PAGE2B: variants seen among roughly 807,000 people sequenced by gnomAD.
PAGE2B encodes PAGE family member 2B.
Under a neutral mutation model 7.6 loss-of-function variants are expected in PAGE2B, and 5 were observed. The observed-to-expected ratio is 0.66, with a 90% CI of 0.34 to 1.38. The LOEUF (loss-of-function observed/expected upper bound fraction) is 1.38, where lower values mean the gene tolerates loss of function less well. Ranked by LOEUF, PAGE2B falls within the 40% of genes most tolerant of loss-of-function variation. The probability of loss-of-function intolerance (pLI) is 0.04; values close to 1 mark genes in which losing one functional copy is unlikely to be tolerated. For synonymous variants in PAGE2B, 29 were observed against 26.7 expected, an observed-to-expected ratio of 1.09 and a Z score of -0.27; for missense variants, 70 against 78.4, an observed-to-expected ratio of 0.89 and a Z score of 0.41.
chrX:55,072,326 G>A (rs1489514086), upstream of PAGE2B, among the ~76,000 whole-genome samples: 1 of 112,325 alleles, frequency 8.9e-6, no homozygotes, highest in Non-Finnish European at 1.9e-5. Flanking sequence ...CTAACAGCCA[G>A]GCCCATCTTC....
At position 55,076,466 on chromosome X, in the gene PAGE2B, A is replaced by T. The variant is rs1000027015; in HGVS notation, c.85-103A>T. The T allele has an allele frequency of 1.1e-4, 81 of 759,433 alleles. No homozygotes were observed. In the East Asian group the frequency reaches 1.1e-3, roughly 11 times the overall value. 62.6% of individuals were successfully genotyped at this position (759,433 alleles called of 1,213,427 possible). On this transcript the variant is annotated intron_variant, in intron 2 of 4. Transcript: ENST00000374971. ...TATGTATATACATATATATGTGTTTATATATGTTGGAAAAATGTCTTTAGA... is the reference window on the plus strand; with the variant it reads ...TATGTATATACATATATATGTGTTTTTATATGTTGGAAAAATGTCTTTAGA...
chrX:55,055,712 A>T, the PAGE2B span: 1 of 124,850 alleles, frequency 8.0e-6, no homozygotes. Flanking sequence ...TTGCCCTGGC[A>T]GTGTCTTCTA....
upstream of PAGE2B, among the ~76,000 whole-genome samples, chrX:55,072,412 T>G (rs751204769): frequency 8.9e-6 from 1 of 112,766 alleles, no homozygotes; most frequent in South Asian, 3.7e-4. Context: ...TGCTTCCTGC[T>G]TCTTCCTCTG....
At chrX:55,062,029 G>A in the PAGE2B span, among the ~76,000 whole-genome samples, 16 of 111,714 alleles carry the variant, frequency 1.4e-4, no homozygotes, top group East Asian at 5.6e-4. Context: ...CCAAATCTTG[G>A]ATATTGAGAA....
chrX:55,062,643 C>G, the PAGE2B span, among the ~76,000 whole-genome samples: 2 of 111,690 alleles, frequency 1.8e-5, no homozygotes, highest in African/African-American at 6.5e-5. Flanking sequence ...GTTGCCTGTG[C>G]TTGTGGGATA....
the PAGE2B span, among the ~76,000 whole-genome samples, chrX:55,039,722 G>A: frequency 9.0e-6 from 1 of 111,581 alleles, no homozygotes; most frequent in Non-Finnish European, 1.9e-5. Flanking sequence ...TTTCTCATGG[G>A]ATTTTGCAAA....
upstream of PAGE2B, among the ~76,000 whole-genome samples, chrX:55,073,089 CG>C (rs1277899447): frequency 9.0e-6 from 1 of 111,253 alleles, no homozygotes; most frequent in Non-Finnish European, 1.9e-5. Context: ...TGTGTCACAC[CG>C]GGTTCCAGGT....
At chrX:55,074,821 G>A (rs73490464), upstream of PAGE2B, among the ~76,000 whole-genome samples, 7,793 of 112,049 alleles carry the variant, frequency 0.07, 613 homozygotes, top group African/African-American at 0.23. Flanking sequence ...AAGGGTGGGC[G>A]GGGGAAAAAG....
At chrX:55,032,492 A>G in the PAGE2B span, among the ~76,000 whole-genome samples, 1 of 110,541 alleles carries the variant, frequency 9.0e-6, no homozygotes, top group Non-Finnish European at 1.9e-5. Flanking sequence ...TGGCAGTAAA[A>G]TATAGTGGAC....
At chrX:55,039,484 CTTTT>C in the PAGE2B span, among the ~76,000 whole-genome samples, 2 of 95,726 alleles carry the variant, frequency 2.1e-5, no homozygotes, top group Non-Finnish European at 2.1e-5. Flanking sequence ...GAAGAAAATT[CTTTT>C]TTTTTTTTTT....
At position 55,076,643 on chromosome X, in the gene PAGE2B, G is replaced by A. The variant is rs1025370650; in HGVS notation, c.159G>A (p.Gly53=). Residue 53 remains glycine (G), a synonymous_variant, in exon 3 of 5, where the codon GGG becomes GGA. Transcript: ENST00000374971. ...ATAATCAGGGTATTGCACCTAGTGG[G>A]GAGATCGAAAATGAAGGAGCACCTG... is the stretch of plus-strand genomic sequence containing the variant. The part of the protein sequence containing the change: ...PTDNQGIAPS[G]EIENEGAPAV... The A allele has an allele frequency of 1.7e-6, 2 of 1,205,810 alleles. No homozygotes were observed. The highest frequency in any genetic ancestry group is 3.5e-5 in the African/African-American group (2 of 56,526).
At chrX:55,066,545 A>T in the PAGE2B span, among the ~76,000 whole-genome samples, 4 of 111,634 alleles carry the variant, frequency 3.6e-5, no homozygotes, top group Non-Finnish European at 5.7e-5. Context: ...TAATATTTTC[A>T]CCAGATATAC....
chrX:55,066,405 A>G, the PAGE2B span, among the ~76,000 whole-genome samples: 78 of 112,083 alleles, frequency 7.0e-4, no homozygotes, highest in African/African-American at 2.4e-3. Context: ...ATGATTTCTT[A>G]TTGCTGATTA....
At chrX:55,062,104 T>G in the PAGE2B span, among the ~76,000 whole-genome samples, 1 of 111,712 alleles carries the variant, frequency 9.0e-6, no homozygotes, top group Non-Finnish European at 1.9e-5. Context: ...TTCTTTTGGG[T>G]ATATACCTGG....
At chrX:55,050,650 C>T in the PAGE2B span, among the ~76,000 whole-genome samples, 1 of 108,092 alleles carries the variant, frequency 9.3e-6, no homozygotes. Context: ...TTTTTGTTTT[C>T]CATTTGCTTG....
intron 3 of PAGE2B, among the ~76,000 whole-genome samples, chrX:55,077,081 G>A (rs1936529629): frequency 9.0e-6 from 1 of 111,590 alleles, no homozygotes; most frequent in African/African-American, 3.3e-5. Flanking sequence ...AATATACTAA[G>A]TGCTGGAGAT....
the PAGE2B span, among the ~76,000 whole-genome samples, chrX:55,053,347 A>G: frequency 9.0e-6 from 1 of 111,505 alleles, no homozygotes; most frequent in Admixed American, 9.6e-5. Context: ...AGGGAGGGGA[A>G]CAACACACAC....
chrX:55,048,648 T>C, the PAGE2B span, among the ~76,000 whole-genome samples: 6 of 111,939 alleles, frequency 5.4e-5, no homozygotes, highest in African/African-American at 1.9e-4. Flanking sequence ...TTTTTGCACA[T>C]TGATTGTGTA....
At chrX:55,065,336 G>A in the PAGE2B span, among the ~76,000 whole-genome samples, 1 of 111,352 alleles carries the variant, frequency 9.0e-6, no homozygotes, top group East Asian at 2.8e-4. Context: ...TCTTTGTCTT[G>A]AAATGTATTT....
Sources: gnomAD v4.1 joint callset for allele counts (sites outside exome capture counted in the v4.1 genomes callset) on GRCh38, gnomAD v4.1.1 for gene constraint, MANE v1.5 for transcripts, NCBI Gene and HGNC (gene_info 2026-07-23, HGNC 2026-07-21) for gene names.